Variants in ETFDH observed in about 807,000 individuals in gnomAD.
The protein encoded by ETFDH is electron transfer flavoprotein dehydrogenase, also known as electron transfer flavoprotein-ubiquinone oxidoreductase, mitochondrial.
ETFDH carries 61 observed loss-of-function variants against 73.2 expected under a neutral mutation model. That is an observed-to-expected ratio of 0.83 (90% CI 0.68 to 1.03). ETFDH has a LOEUF of 1.03. Ranked by LOEUF, ETFDH falls within the 50% of genes least tolerant of loss-of-function variation. The pLI, the probability that ETFDH is intolerant of heterozygous loss-of-function variation, is 0.00. For synonymous variants in ETFDH, 243 were observed against 253.3 expected, an observed-to-expected ratio of 0.96 and a Z score of 0.39; for missense variants, 685 against 745.0, an observed-to-expected ratio of 0.92 and a Z score of 0.94.
intron 12 of ETFDH, among the ~76,000 whole-genome samples, chr4:158,708,098 G>A (rs1479363175): frequency 6.6e-6 from 1 of 152,172 alleles, no homozygotes; most frequent in Admixed American, 6.5e-5. Flanking sequence ...AGGACTTCGA[G>A]GTTGTGTGGA....
chr4:158,673,774 A>T (rs992986186), intron 1 of ETFDH, among the ~76,000 whole-genome samples: 3 of 152,212 alleles, frequency 2.0e-5, no homozygotes, highest in Non-Finnish European at 4.4e-5. Flanking sequence ...ACCAAATTCC[A>T]CTACCATTTC....
intron 6 of ETFDH, 21 bp downstream of exon 6, chr4:158,690,446 C>T (rs370939331): frequency 1.1e-5 from 15 of 1,327,002 alleles, no homozygotes; most frequent in South Asian, 3.5e-5. Context: ...TTAATAGTTA[C>T]GTGCTTAATA....
In ETFDH at chr4:158,706,789, T is replaced by G. The variant is rs1445319687; in HGVS notation, c.1629T>G (p.Ser543Arg). 6.2e-7 allele frequency: 1 copy of G among 1,613,990 alleles called. No individual in the cohort carries two copies. Among genetic ancestry groups the G allele is most frequent in the Admixed American group, 1.7e-5 (1 of 60,028 alleles). Reference protein sequence around the residue: ...QPAHLTLRDDSIPVNRNLSIY... With the variant: ...QPAHLTLRDDRIPVNRNLSIY... Reference sequence around the variant, plus strand: ...CACACTTAACCTTAAGGGATGACAGTATACCTGTAAATAGAAATCTGTCGA... The same window carrying G: ...CACACTTAACCTTAAGGGATGACAGGATACCTGTAAATAGAAATCTGTCGA... The change falls in exon 12 of 13, where the codon AGT becomes AGG. Residue 543 changes from serine (S) to arginine (R), a missense_variant. Ser to Arg is a moderately radical substitution (Grantham distance 110). Coordinates refer to ENST00000511912, the MANE Select transcript of ETFDH (RefSeq NM_004453.4).
At chr4:158,684,489 G>A in intron 3 of ETFDH, 103 bp from the exon 4 acceptor site, 1 of 667,008 alleles carries the variant, frequency 1.5e-6, no homozygotes, top group South Asian at 1.8e-5. Context: ...TTAGGGGGGA[G>A]TTCTTTTTTT....
chr4:158,675,089 C>A (rs576451432), intron 1 of ETFDH, among the ~76,000 whole-genome samples: 2 of 152,228 alleles, frequency 1.3e-5, no homozygotes, highest in East Asian at 3.9e-4. Context: ...ACAATATATA[C>A]TATTTAAAAT....
intron 3 of ETFDH, 51 bp downstream of exon 3, chr4:158,682,475 C>A: frequency 1.5e-6 from 2 of 1,377,592 alleles, no homozygotes; most frequent in Non-Finnish European, 2.1e-6. Flanking sequence ...AATTGTATTT[C>A]AGTAATTGTT....
intron 6 of ETFDH, 42 bp from the exon 7 acceptor site, chr4:158,695,455 A>C: frequency 1.9e-6 from 3 of 1,563,384 alleles, no homozygotes; most frequent in Non-Finnish European, 2.6e-6. Context: ...AATGTATTTT[A>C]AATTGTCAAA....
intron 5 of ETFDH, among the ~76,000 whole-genome samples, chr4:158,689,524 A>T (rs1774099618): frequency 6.8e-6 from 1 of 147,600 alleles, no homozygotes; most frequent in East Asian, 2.0e-4. Context: ...ACACTGAGCC[A>T]AACTTCAGTT....
intron 10 of ETFDH, among the ~76,000 whole-genome samples, chr4:158,704,028 G>T (rs1024953114): frequency 2.0e-5 from 3 of 152,218 alleles, no homozygotes; most frequent in African/African-American, 7.2e-5. Flanking sequence ...GAACCTGGGA[G>T]GTGGAGGTTG....
intron 7 of ETFDH, among the ~76,000 whole-genome samples, chr4:158,696,633 A>G (rs867876378): frequency 6.6e-6 from 1 of 152,342 alleles, no homozygotes; most frequent in South Asian, 2.1e-4. Context: ...GATAGATTGC[A>G]TATGTCTGAT....
At chr4:158,680,426 T>C in intron 1 of ETFDH, 41 bp from the exon 2 acceptor site, 1 of 1,518,760 alleles carries the variant, frequency 6.6e-7, no homozygotes, top group East Asian at 2.3e-5. Flanking sequence ...TGAGGAAAAC[T>C]AATTTTAAGG....
chr4:158,682,223 A>G lies in ETFDH; in HGVS notation c.204A>G (p.Glu68=). Residue 68 remains glutamate (E), a synonymous_variant, in exon 3 of 13, where the codon GAA becomes GAG. Transcript: ENST00000511912. ...EGVNMERFAE[E]ADVVIVGAGP... ...TGAACATGGAAAGGTTTGCAGAAGA[A>G]GCAGATGTTGTAATAGTTGGTGCAG... The G allele has an allele frequency of 6.2e-7, 1 of 1,614,192 alleles. No homozygotes were observed. The highest frequency in any genetic ancestry group is 1.1e-5 in the South Asian group (1 of 91,090).
At chr4:158,688,390 C>CAA (rs34614893) in intron 5 of ETFDH, among the ~76,000 whole-genome samples, 1,034 of 100,084 alleles carry the variant, frequency 0.01, 6 homozygotes, top group African/African-American at 0.037. Flanking sequence ...GACTCTGTCT[C>CAA]AAAAAAAAAA....
chr4:158,674,567 C>T (rs1773667152), intron 1 of ETFDH, among the ~76,000 whole-genome samples: 2 of 152,184 alleles, frequency 1.3e-5, no homozygotes, highest in South Asian at 4.1e-4. Context: ...TCCCAAAGTG[C>T]TGGGATTATA....
intron 10 of ETFDH, among the ~76,000 whole-genome samples, chr4:158,703,923 C>T (rs750159876): frequency 3.5e-4 from 54 of 152,128 alleles, no homozygotes; most frequent in Non-Finnish European, 6.0e-4. Context: ...ATGGTGAAAC[C>T]CCGTCTCTAC....
At chr4:158,701,822 T>C (rs1774469269) in intron 9 of ETFDH, among the ~76,000 whole-genome samples, 1 of 152,196 alleles carries the variant, frequency 6.6e-6, no homozygotes, top group South Asian at 2.1e-4. Flanking sequence ...AAGAGTACAT[T>C]TTCCCATGCA....
rs1131691336 is a variant in ETFDH, at chr4:158,699,033, T to A, written c.1019T>A (p.Phe340Tyr). The change falls in exon 9 of 13, where the codon TTC becomes TAC. Residue 340 changes from phenylalanine to tyrosine, a missense_variant. Physicochemically the swap from Phe to Tyr is conservative, Grantham distance 22 (BLOSUM62 3). Transcript: ENST00000511912. The part of the protein sequence containing the change: ...QNPYLSPFRE[F>Y]QRWKHHPSIR... ...CCATACCTGAGTCCATTTAGAGAGT[T>A]CCAAAGGTGGAAACACCATCCTAGC... 1.9e-6 allele frequency: 3 copies of A among 1,612,636 alleles called. No homozygotes were observed. In the African/African-American group the frequency reaches 4.0e-5, roughly 22 times the overall value.
rs1773834542 is a variant in ETFDH at position 158,680,756 on chromosome 4, C to T, written c.175+149C>T. 1.0e-5 allele frequency: 7 copies of T among 687,268 alleles called. No individual in the cohort carries two copies. In the South Asian group the frequency reaches 1.2e-4, roughly 12 times the overall value. 42.6% of individuals were successfully genotyped at this position (687,268 alleles called of 1,614,324 possible). ...AGTCACATGCTGCATAATGACCCTT[C>T]AGTCAACAACACGACAATTATAATG... On this transcript the variant is annotated intron_variant, in intron 2 of 12. Coordinates refer to ENST00000511912, the MANE Select transcript of ETFDH (RefSeq NM_004453.4).
At chr4:158,686,343 A>G (rs1340442438) in intron 5 of ETFDH, among the ~76,000 whole-genome samples, 1 of 152,220 alleles carries the variant, frequency 6.6e-6, no homozygotes, top group Non-Finnish European at 1.5e-5. Flanking sequence ...TGTTTAATCA[A>G]AGTTTTACAT....
Sources: allele counts gnomAD v4.1 joint callset (sites outside exome capture counted in the v4.1 genomes callset), GRCh38; gene constraint gnomAD v4.1.1; transcripts MANE v1.5; gene names NCBI Gene and HGNC (gene_info 2026-07-23, HGNC 2026-07-21).